CFAP61: variants seen among roughly 807,000 people sequenced by gnomAD.
CFAP61 encodes the protein cilia and flagella associated protein 61, also known as cilia- and flagella-associated protein 61.
In CFAP61, 107 loss-of-function variants were observed where a neutral mutation model predicts 135.6. The ratio of observed to expected loss-of-function variants is 0.79; its 90% CI spans 0.67 to 0.93. The LOEUF is 0.93. CFAP61 is among the 40% of genes least tolerant of loss of function. The pLI is 0.00. For missense variants in CFAP61, 1,507 were observed against 1,556.2 expected, an observed-to-expected ratio of 0.97 and a Z score of 0.53; for synonymous variants, 575 against 578.5, an observed-to-expected ratio of 0.99 and a Z score of 0.09.
In CFAP61 at chr20:20,148,089, C is replaced by T. The variant is rs372790070; in HGVS notation, c.951+5141C>T. 3.3e-5 allele frequency among the ~76,000 whole-genome samples: 5 copies of T among 152,100 alleles called. No individual in the cohort carries two copies. In the East Asian group the frequency reaches 7.7e-4, roughly 23 times the overall value. ...GTATTTGGCTTTATTTCTGGGTTCT[C>T]TGTTCTGTTCTGTTGGTCTACATGC... On this transcript the variant is annotated intron_variant, in intron 9 of 26. Transcript: ENST00000245957.
At chr20:20,294,146 G>T (rs964499061) in intron 24 of CFAP61, among the ~76,000 whole-genome samples, 1 of 152,214 alleles carries the variant, frequency 6.6e-6, no homozygotes, top group Non-Finnish European at 1.5e-5. Flanking sequence ...AAACCGGAAG[G>T]TTGCAAAATA....
chr20:20,118,234 C>T (rs1409513820), intron 8 of CFAP61, among the ~76,000 whole-genome samples: 1 of 147,748 alleles, frequency 6.8e-6, no homozygotes, highest in Non-Finnish European at 1.5e-5. Flanking sequence ...CATATATGGT[C>T]TTCATTATTT....
At position 20,183,895 on chromosome 20, in the gene CFAP61, TC is replaced by T. The variant is rs1247261236; in HGVS notation, c.1386-4034del. The stretch of plus-strand genomic sequence containing the variant: ...CATAGCCCGTTCCTCCCCCTGAAAT[TC>T]TAGGAACAAAGGAAAGCTCTGAAAT... On this transcript the variant is annotated intron_variant, in intron 13 of 26. Transcript: ENST00000245957. Among the ~76,000 whole-genome samples the T allele has an allele frequency of 3.9e-5, 6 of 152,282 alleles. No individual in the cohort carries two copies. In the East Asian group the frequency reaches 1.2e-3, roughly 29 times the overall value.
chr20:20,326,381 T>C (rs532001766), intron 25 of CFAP61, among the ~76,000 whole-genome samples: 5 of 152,358 alleles, frequency 3.3e-5, no homozygotes, highest in African/African-American at 1.2e-4. Flanking sequence ...AAAATTCTTC[T>C]TTTTGAATTC....
intron 25 of CFAP61, among the ~76,000 whole-genome samples, chr20:20,314,552 A>G (rs1351033844): frequency 6.7e-6 from 1 of 149,108 alleles, no homozygotes; most frequent in Non-Finnish European, 1.5e-5. Flanking sequence ...TATTATTATT[A>G]TACTTTAAGT....
At chr20:20,280,986 T>G (rs552122103) in intron 22 of CFAP61, among the ~76,000 whole-genome samples, 68 of 152,288 alleles carry the variant, frequency 4.5e-4, no homozygotes, top group African/African-American at 1.6e-3. Flanking sequence ...TATCTTTTCG[T>G]TTTTTTAGTA....
chr20:20,253,747 G>T, intron 20 of CFAP61: 1 of 273,300 alleles, frequency 3.7e-6, no homozygotes, highest in South Asian at 3.9e-5. Context: ...ATACCCTGAC[G>T]GCCTGAGCAG....
At chr20:20,335,240 G>A (rs1163848375) in intron 25 of CFAP61, among the ~76,000 whole-genome samples, 1 of 152,152 alleles carries the variant, frequency 6.6e-6, no homozygotes, top group Non-Finnish European at 1.5e-5. Flanking sequence ...TGATAAACAT[G>A]TTCTAGCTCT....
chr20:20,189,999 G>A (rs1274503599), intron 14 of CFAP61, among the ~76,000 whole-genome samples: 1 of 152,136 alleles, frequency 6.6e-6, no homozygotes, highest in Non-Finnish European at 1.5e-5. Context: ...TGGCCAGGCT[G>A]GTCTCGAACT....
At chr20:20,142,765 C>A in intron 8 of CFAP61, 92 bp from the exon 9 acceptor site, 1 of 758,400 alleles carries the variant, frequency 1.3e-6, no homozygotes, top group African/African-American at 1.7e-5. Context: ...CCATTGTAGT[C>A]TAAAACCATG....
intron 2 of CFAP61, among the ~76,000 whole-genome samples, chr20:20,059,487 A>G (rs973509219): frequency 2.0e-5 from 3 of 149,486 alleles, no homozygotes; most frequent in Non-Finnish European, 4.5e-5. Flanking sequence ...GAGTGGTGGC[A>G]CACACATGTA....
At chr20:20,354,249 C>T (rs974784753) in intron 26 of CFAP61, among the ~76,000 whole-genome samples, 15 of 152,114 alleles carry the variant, frequency 9.9e-5, no homozygotes, top group African/African-American at 3.6e-4. Flanking sequence ...GGCCTGTAGT[C>T]CCAGCACTTT....
chr20:20,212,954 A>T (rs987296505), intron 17 of CFAP61, among the ~76,000 whole-genome samples: 1 of 151,496 alleles, frequency 6.6e-6, no homozygotes, highest in Non-Finnish European at 1.5e-5. Flanking sequence ...ACAGACCAGG[A>T]GGCACCGTGT....
chr20:20,310,725 C>T (rs1170230266), intron 25 of CFAP61, among the ~76,000 whole-genome samples: 1 of 152,148 alleles, frequency 6.6e-6, no homozygotes, highest in East Asian at 1.9e-4. Context: ...CAAAAGTTGC[C>T]AGCTCCATGA....
At position 20,263,061 on chromosome 20, in the gene CFAP61, ACT is replaced by A; in HGVS notation, c.2438_2439del (p.Leu813GlnfsTer8). Reference sequence around the variant, plus strand: ...GGGGAAAGTTCCTTGCAACCATTTCACTCTCAACGAGGAAGAGGATTGCTTTA... The same window carrying A: ...GGGGAAAGTTCCTTGCAACCATTTCACTCAACGAGGAAGAGGATTGCTTTA... Reference protein sequence around the residue: ...YTGKVPCNHFTLNEEEDCFKA... With the variant: ...YTGKVPCNHFXLNEEEDCFKA... On this transcript the variant is annotated frameshift_variant, in exon 21 of 27. Transcript: ENST00000245957. LOFTEE classifies it high-confidence loss of function. The A allele has an allele frequency of 6.2e-7, 1 of 1,613,730 alleles. No individual in the cohort carries two copies. Among genetic ancestry groups the A allele is most frequent in the Non-Finnish European group, 8.5e-7 (1 of 1,179,858 alleles).
chr20:20,226,045 C>T (rs1569158088), intron 17 of CFAP61: 1 of 152,182 alleles, frequency 6.6e-6, no homozygotes, highest in Non-Finnish European at 1.5e-5. Flanking sequence ...GAAACTATAT[C>T]AATCTAGGAA....
At chr20:20,317,056 TAGTAG>T (rs975284675) in intron 25 of CFAP61, 1 of 151,384 alleles carries the variant, frequency 6.6e-6, no homozygotes, top group Non-Finnish European at 1.5e-5. Flanking sequence ...TTTGTATTTT[TAGTAG>T]AGATGGGGTT....
intron 10 of CFAP61, among the ~76,000 whole-genome samples, chr20:20,161,841 G>A (rs887484907): frequency 1.3e-5 from 2 of 152,168 alleles, no homozygotes; most frequent in East Asian, 3.8e-4. Context: ...TCTCCACTTC[G>A]AACAGAGGAA....
At chr20:20,104,771 T>A (rs2048258542) in intron 8 of CFAP61, among the ~76,000 whole-genome samples, 1 of 152,188 alleles carries the variant, frequency 6.6e-6, no homozygotes, top group South Asian at 2.1e-4. Flanking sequence ...GAAGTCAAGA[T>A]GTTGGAGGGG....
Sources: gnomAD v4.1 joint callset for allele counts (sites outside exome capture counted in the v4.1 genomes callset) on GRCh38, gnomAD v4.1.1 for gene constraint, MANE v1.5 for transcripts, NCBI Gene and HGNC (gene_info 2026-07-23, HGNC 2026-07-21) for gene names.